NEB: variants seen among roughly 807,000 people sequenced by gnomAD.
NEB encodes nebulin, also known as nemaline myopathy type 2.
Under a neutral mutation model 952.2 loss-of-function variants are expected in NEB, and 512 were observed. The observed-to-expected ratio is 0.54, with a 90% CI of 0.50 to 0.58. The LOEUF is 0.58. Among genes scored for constraint, NEB ranks in the 20% least tolerant of loss-of-function variants. The pLI, the probability that NEB is intolerant of heterozygous loss-of-function variation, is 0.00. For missense variants in NEB, 8,428 were observed against 9,231.1 expected, an observed-to-expected ratio of 0.91 and a Z score of 3.56; for synonymous variants, 2,900 against 3,149.8, an observed-to-expected ratio of 0.92 and a Z score of 2.66.
chr2:151,683,616 G>C (rs1489761566), intron 28 of NEB, among the ~76,000 whole-genome samples: 1 of 152,132 alleles, frequency 6.6e-6, no homozygotes, highest in Non-Finnish European at 1.5e-5. Flanking sequence ...GTTAGTGGTA[G>C]GAATGTAAAA....
At chr2:151,556,657 G>A (rs556005538) in intron 124 of NEB, among the ~76,000 whole-genome samples, 3 of 152,116 alleles carry the variant, frequency 2.0e-5, no homozygotes, top group Admixed American at 2.0e-4. Context: ...AAGAAGAAGA[G>A]CTAACTATCC....
chr2:151,633,515 A>C (rs903500400), intron 65 of NEB, 139 bp downstream of exon 65: 25 of 1,259,318 alleles, frequency 2.0e-5, no homozygotes, highest in Non-Finnish European at 2.7e-5. Context: ...ATAATAAAGC[A>C]ATAAAATTGT....
intron 69 of NEB, 147 bp downstream of exon 69, chr2:151,627,376 A>G: frequency 7.1e-7 from 1 of 1,415,366 alleles, no homozygotes; most frequent in Non-Finnish European, 9.5e-7. Flanking sequence ...TCTCTCCAAA[A>G]AAAGTAAGGG....
chr2:151,629,505 C>G, intron 68 of NEB, 34 bp downstream of exon 68: 10 of 1,521,586 alleles, frequency 6.6e-6, no homozygotes, highest in South Asian at 2.3e-5. Context: ...CCACTTCATC[C>G]ATCCATGTAA....
At chr2:151,656,559 A>G (rs1484905356) in intron 48 of NEB, 95 bp from the exon 49 acceptor site, 3 of 652,768 alleles carry the variant, frequency 4.6e-6, no homozygotes, top group Non-Finnish European at 4.3e-6. Flanking sequence ...ATAATTATAA[A>G]ATATAATTAA....
intron 76 of NEB, among the ~76,000 whole-genome samples, chr2:151,615,108 T>C (rs2098147691): frequency 6.6e-6 from 1 of 152,184 alleles, no homozygotes; most frequent in African/African-American, 2.4e-5. Flanking sequence ...GAACTTTCAC[T>C]ATGAGTCAGT....
rs1250895200 is a variant in NEB, at chr2:151,518,369, G to A, written c.22749C>T (p.Pro7583=). 4.3e-6 allele frequency: 7 copies of A among 1,612,298 alleles called. No individual in the cohort carries two copies. The highest frequency in any genetic ancestry group is 1.6e-4 in the Middle Eastern group (1 of 6,076). The change falls in exon 156 of 182, where the codon CCC becomes CCT. Residue 7583 remains proline (P), a synonymous_variant. Coordinates refer to ENST00000397345, the MANE Select transcript of NEB (RefSeq NM_001164508.2). Reference sequence around the variant, plus strand: ...TTAGGTGAAGCTGCTCCAGATTATCGGGTATGGTGTGGTAGTGGCCTTTAC... The same window carrying A: ...TTAGGTGAAGCTGCTCCAGATTATCAGGTATGGTGTGGTAGTGGCCTTTAC... ...EKSKGHYHTI[P]DNLEQLHLKE... is the part of the protein sequence containing the mutation.
chr2:151,531,212 G>A (rs1246424763), intron 144 of NEB, 111 bp from the exon 145 acceptor site: 10 of 692,436 alleles, frequency 1.4e-5, no homozygotes, highest in Non-Finnish European at 2.2e-5. Context: ...AGAATTCTAT[G>A]AATTTGACAG....
chr2:151,529,599 C>G (rs1273283326), intron 145 of NEB, among the ~76,000 whole-genome samples: 1 of 151,406 alleles, frequency 6.6e-6, no homozygotes, highest in Non-Finnish European at 1.5e-5. Flanking sequence ...GGTGTGATCT[C>G]AGCTCACTGC....
intron 161 of NEB, among the ~76,000 whole-genome samples, chr2:151,511,706 C>G (rs919449617): frequency 6.6e-6 from 1 of 152,172 alleles, no homozygotes; most frequent in Admixed American, 6.5e-5. Flanking sequence ...GAAGGCCTAT[C>G]CCAGGGTGTG....
At chr2:151,648,927 G>A (rs2154130849) in intron 54 of NEB, among the ~76,000 whole-genome samples, 1 of 152,312 alleles carries the variant, frequency 6.6e-6, no homozygotes, top group African/African-American at 2.4e-5. Flanking sequence ...CCCGGGTTTT[G>A]TGTGGCAGTC....
intron 5 of NEB, among the ~76,000 whole-genome samples, chr2:151,726,986 G>T (rs1404557296): frequency 6.6e-6 from 1 of 151,694 alleles, no homozygotes; most frequent in Non-Finnish European, 1.5e-5. Context: ...GGGGTCTGGG[G>T]CTGAAGTGAG....
chr2:151,512,756 G>C lies in NEB; in HGVS notation c.23323C>G (p.Gln7775Glu). Residue 7775 changes from glutamine to glutamate, a missense_variant, in exon 161 of 182, where the codon CAA becomes GAA. Transcript: ENST00000397345. The stretch of plus-strand genomic sequence containing the variant: ...ACCTGGCTTGAAAGATTCTTGACTT[G>C]TTGGGCATGAATGATCTCTGGAGTA... ...VDTPEIIHAQ[Q>E]VKNLSSQKKY... 1 of 1,613,654 alleles carries C rather than the reference G, an allele frequency of 6.2e-7. No individual in the cohort carries two copies. Among genetic ancestry groups the C allele is most frequent in the South Asian group, 1.1e-5 (1 of 91,034 alleles).
chr2:151,717,885 A>G (rs4375863), intron 9 of NEB, among the ~76,000 whole-genome samples: 98,392 of 144,060 alleles, frequency 0.68, 36,850 homozygotes, highest in Non-Finnish European at 0.83. Context: ...ACGGAGTCTC[A>G]CTATGTTGCC....
intron 51 of NEB, among the ~76,000 whole-genome samples, chr2:151,654,965 G>A (rs538520038): frequency 7.2e-5 from 11 of 152,210 alleles, no homozygotes; most frequent in South Asian, 4.2e-4. Flanking sequence ...GGGACTACAG[G>A]TGCATGTCAT....
intron 75 of NEB, 89 bp downstream of exon 75, chr2:151,617,275 G>T: frequency 1.2e-6 from 1 of 837,110 alleles, no homozygotes; most frequent in Non-Finnish European, 1.9e-6. Context: ...AGTATGTGTA[G>T]TAAATTAGTC....
chr2:151,699,095 G>A (rs2099624657), intron 13 of NEB, among the ~76,000 whole-genome samples: 1 of 143,034 alleles, frequency 7.0e-6, no homozygotes, highest in African/African-American at 2.6e-5. Context: ...TCCCACCTAT[G>A]AGTGAGAATA....
At chr2:151,639,504 T>C in intron 62 of NEB, 120 bp from the exon 63 acceptor site, 1 of 697,936 alleles carries the variant, frequency 1.4e-6, no homozygotes, top group Non-Finnish European at 2.3e-6. Context: ...ATACACATTA[T>C]GTGTTTTATG....
intron 9 of NEB, among the ~76,000 whole-genome samples, chr2:151,718,372 T>C (rs905746032): frequency 3.3e-5 from 5 of 152,166 alleles, no homozygotes; most frequent in Non-Finnish European, 7.3e-5. Context: ...CTGTGCCCAA[T>C]ACTCTATGAC....
Sources: allele counts gnomAD v4.1 joint callset (sites outside exome capture counted in the v4.1 genomes callset), GRCh38; gene constraint gnomAD v4.1.1; transcripts MANE v1.5; gene names NCBI Gene and HGNC (gene_info 2026-07-23, HGNC 2026-07-21).